SDK1: variants seen among roughly 807,000 people sequenced by gnomAD.
SDK1 encodes sidekick cell adhesion molecule 1.
Under a neutral mutation model 245.5 loss-of-function variants are expected in SDK1, and 157 were observed. That is an observed-to-expected ratio of 0.64 (90% CI 0.56 to 0.73). The LOEUF is 0.73. Ranked by LOEUF, SDK1 falls within the 30% of genes least tolerant of loss-of-function variation. The pLI is 0.00. For missense variants in SDK1, 3,583 were observed against 3,002.3 expected, an observed-to-expected ratio of 1.19 and a Z score of -4.52; for synonymous variants, 1,647 against 1,278.5, an observed-to-expected ratio of 1.29 and a Z score of -6.15.
intron 5 of SDK1, among the ~76,000 whole-genome samples, chr7:3,896,839 G>A (rs1335098019): frequency 6.6e-6 from 1 of 152,168 alleles, no homozygotes; most frequent in Non-Finnish European, 1.5e-5. Context: ...AAATATACAT[G>A]TATTAGTTTG....
At chr7:3,558,395 G>A (rs1405398799) in intron 1 of SDK1, among the ~76,000 whole-genome samples, 1 of 152,220 alleles carries the variant, frequency 6.6e-6, no homozygotes, top group African/African-American at 2.4e-5. Context: ...GTGGTTTCCA[G>A]TATCTTCTTT....
At chr7:4,220,779 G>T (rs952882780) in intron 39 of SDK1, among the ~76,000 whole-genome samples, 2 of 151,854 alleles carry the variant, frequency 1.3e-5, no homozygotes, top group Non-Finnish European at 2.9e-5. Flanking sequence ...TTTTGTTGTT[G>T]TTTGTTTTTT....
intron 1 of SDK1, among the ~76,000 whole-genome samples, chr7:3,337,323 T>G (rs1021228623): frequency 1.3e-5 from 2 of 151,968 alleles, no homozygotes; most frequent in African/African-American, 4.8e-5. Flanking sequence ...ATCAGTGAAC[T>G]TGAAGACAGA....
intron 1 of SDK1, among the ~76,000 whole-genome samples, chr7:3,607,851 C>A (rs924451969): frequency 1.2e-4 from 19 of 152,228 alleles, no homozygotes; most frequent in Admixed American, 1.2e-3. Context: ...CGTAAGCATT[C>A]TGCACACATT....
chr7:4,100,708 T>C (rs1157828460), intron 22 of SDK1, among the ~76,000 whole-genome samples: 1 of 151,990 alleles, frequency 6.6e-6, no homozygotes, highest in African/African-American at 2.4e-5. Flanking sequence ...TGAACTCCCA[T>C]TGCTTGTAAA....
intron 4 of SDK1, among the ~76,000 whole-genome samples, chr7:3,723,963 G>C (rs973428680): frequency 6.7e-6 from 1 of 149,524 alleles, no homozygotes; most frequent in South Asian, 2.1e-4. Context: ...GAGAGAGAGA[G>C]AGAGAGAGAG....
intron 23 of SDK1, among the ~76,000 whole-genome samples, chr7:4,112,205 T>C (rs1319541849): frequency 2.0e-5 from 3 of 152,084 alleles, no homozygotes; most frequent in Non-Finnish European, 2.9e-5. Context: ...GCAGGAAAGC[T>C]TGAAGCAAAG....
intron 4 of SDK1, among the ~76,000 whole-genome samples, chr7:3,752,513 G>A (rs1322303688): frequency 6.6e-6 from 1 of 152,076 alleles, no homozygotes; most frequent in African/African-American, 2.4e-5. Context: ...TTAAACTCTT[G>A]GTCAAAGTGA....
intron 44 of SDK1, among the ~76,000 whole-genome samples, chr7:4,250,115 T>C (rs899697495): frequency 1.3e-5 from 2 of 152,226 alleles, no homozygotes; most frequent in African/African-American, 4.8e-5. Flanking sequence ...GGTGTGCCTA[T>C]GTGGACATTT....
At chr7:3,664,340 T>C (rs1783459881) in intron 4 of SDK1, among the ~76,000 whole-genome samples, 2 of 152,204 alleles carry the variant, frequency 1.3e-5, no homozygotes, top group Admixed American at 6.5e-5. Flanking sequence ...AAAATGCCAT[T>C]GCTTTGTGGC....
At chr7:3,462,618 CCTAT>C (rs1460137232) in intron 1 of SDK1, among the ~76,000 whole-genome samples, 2 of 152,138 alleles carry the variant, frequency 1.3e-5, no homozygotes, top group African/African-American at 2.4e-5. Flanking sequence ...ACCAAACTTA[CCTAT>C]CTACCTAGTC....
intron 4 of SDK1, among the ~76,000 whole-genome samples, chr7:3,783,673 C>G (rs1175642039): frequency 2.0e-5 from 3 of 152,080 alleles, no homozygotes; most frequent in Non-Finnish European, 4.4e-5. Context: ...GACCTTTACA[C>G]TGAAAACTAG....
chr7:3,706,062 A>G (rs542891025), intron 4 of SDK1, among the ~76,000 whole-genome samples: 2 of 152,316 alleles, frequency 1.3e-5, no homozygotes, highest in African/African-American at 4.8e-5. Context: ...TATGTGATAT[A>G]TCACATTTAT....
At chr7:4,123,620 C>G (rs959020065) in intron 25 of SDK1, among the ~76,000 whole-genome samples, 2 of 152,190 alleles carry the variant, frequency 1.3e-5, no homozygotes, top group Non-Finnish European at 2.9e-5. Flanking sequence ...TGACACCTCT[C>G]TACTCAAATA....
intron 2 of SDK1, among the ~76,000 whole-genome samples, chr7:3,623,431 G>A (rs999215194): frequency 6.6e-6 from 1 of 151,768 alleles, no homozygotes; most frequent in African/African-American, 2.4e-5. Flanking sequence ...AGTAGAGAAG[G>A]GGTTTCACCA....
At chr7:3,903,913 A>G (rs1781877323) in intron 5 of SDK1, among the ~76,000 whole-genome samples, 1 of 151,728 alleles carries the variant, frequency 6.6e-6, no homozygotes. Flanking sequence ...CACCTCCTAG[A>G]CTCTGTCTTG....
rs1282484232 is a variant in SDK1, at chr7:4,139,703, GTA to G, written c.4229-6017_4229-6016del. The stretch of plus-strand genomic sequence containing the variant: ...TGTGTGTGTGTGTATGTGTGTGTGT[GTA>G]TGTGTGTGTGTGTGTATGTGTGTGT... On this transcript the variant is annotated intron_variant, in intron 28 of 44. Transcript: ENST00000404826. Among the ~76,000 whole-genome samples the G allele has an allele frequency of 6.1e-3, 174 of 28,602 alleles. 28 individuals carry two copies. The highest frequency in any genetic ancestry group is 0.016 in the African/African-American group (137 of 8,706). The allele number at this position is 28,602 out of a possible 152,430, so 18.8% of individuals were successfully genotyped here. A position where few individuals can be genotyped will look rare whatever the true frequency, so the allele number is the denominator to read the frequency against.
At chr7:4,042,049 T>G (rs1332446648) in intron 17 of SDK1, among the ~76,000 whole-genome samples, 1 of 136,386 alleles carries the variant, frequency 7.3e-6, no homozygotes, top group East Asian at 2.0e-4. Flanking sequence ...CTTGACCTCG[T>G]GATCCACCCA....
intron 1 of SDK1, among the ~76,000 whole-genome samples, chr7:3,352,915 T>G (rs970083744): frequency 2.0e-5 from 3 of 152,088 alleles, no homozygotes; most frequent in Admixed American, 6.5e-5. Context: ...AAGAAATAAT[T>G]TGTCACATCA....
Sources: allele counts gnomAD v4.1 joint callset (sites outside exome capture counted in the v4.1 genomes callset), GRCh38; gene constraint gnomAD v4.1.1; transcripts MANE v1.5; gene names NCBI Gene and HGNC (gene_info 2026-07-23, HGNC 2026-07-21).